The following TPD52 variants were observed in gnomAD, a reference collection of about 807,000 sequenced individuals.
TPD52 encodes the protein tumor protein D52.
TPD52 carries 17 observed loss-of-function variants against 31.3 expected under a neutral mutation model. That is an observed-to-expected ratio of 0.54 (90% CI 0.37 to 0.82). The LOEUF is 0.82. Ranked by LOEUF, TPD52 falls within the 40% of genes least tolerant of loss-of-function variation. The pLI, the probability that TPD52 is intolerant of heterozygous loss-of-function variation, is 0.00. For synonymous variants in TPD52, 83 were observed against 89.6 expected, an observed-to-expected ratio of 0.93 and a Z score of 0.42; for missense variants, 212 against 240.1, an observed-to-expected ratio of 0.88 and a Z score of 0.77.
At chr8:80,147,436 G>T (rs1810271779) in intron 1 of TPD52, among the ~76,000 whole-genome samples, 1 of 152,182 alleles carries the variant, frequency 6.6e-6, no homozygotes, top group Admixed American at 6.5e-5. Context: ...ACAGAGTTCA[G>T]CTGGTCTTAC....
intron 1 of TPD52, among the ~76,000 whole-genome samples, chr8:80,085,651 C>T (rs1375594652): frequency 6.6e-6 from 1 of 152,024 alleles, no homozygotes; most frequent in Non-Finnish European, 1.5e-5. Flanking sequence ...CTGAAAAAAA[C>T]AGGAATCCAA....
chr8:80,076,057 A>G lies in TPD52; in HGVS notation c.20-11464T>C, dbSNP rs193071873. Among the ~76,000 whole-genome samples the G allele has an allele frequency of 7.2e-4, 109 of 152,370 alleles. 1 individual carries two copies. The highest frequency in any genetic ancestry group is 1.1e-3 in the Non-Finnish European group (76 of 68,032). ...AAAATGTCAGATTTTTCCATTGCTC[A>G]TAATTCCTTAAGTCAATAGAAATAA... On this transcript the variant is annotated intron_variant, in intron 1 of 7. Coordinates refer to ENST00000518937, the MANE Select transcript of TPD52 (RefSeq NM_001025253.3).
rs1420941794 is a variant in TPD52 at position 80,034,837 on chromosome 8, A to G, written c.*3279T>C. 2.0e-5 allele frequency: 3 copies of G among 152,236 alleles called. No individual in the cohort carries two copies. In the East Asian group the frequency reaches 5.8e-4, roughly 29 times the overall value. 9.4% of individuals were successfully genotyped at this position (152,236 alleles called of 1,614,324 possible). On this transcript the variant is annotated 3_prime_UTR_variant, in exon 8 of 8. Coordinates refer to ENST00000518937, the MANE Select transcript of TPD52 (RefSeq NM_001025253.3). ...AAATAAACTACCAACCAACCTCAGT[A>G]ACATCAAAATTACATGAGAGCTGGC... is the stretch of plus-strand genomic sequence containing the variant.
chr8:80,084,348 T>C (rs1563613389), intron 1 of TPD52, among the ~76,000 whole-genome samples: 1 of 152,224 alleles, frequency 6.6e-6, no homozygotes, highest in Non-Finnish European at 1.5e-5. Context: ...GGCCTAAGGA[T>C]AGACATCTGA....
intron 1 of TPD52, among the ~76,000 whole-genome samples, chr8:80,160,180 G>A (rs893059785): frequency 1.0e-4 from 13 of 130,614 alleles, no homozygotes; most frequent in African/African-American, 3.9e-4. Context: ...GACAGAGCAA[G>A]ACCCCATCTC....
At chr8:80,063,491 A>T (rs940110984) in intron 2 of TPD52, among the ~76,000 whole-genome samples, 1 of 152,188 alleles carries the variant, frequency 6.6e-6, no homozygotes, top group African/African-American at 2.4e-5. Flanking sequence ...GCTGCACAAC[A>T]CTGTGAATGT....
At chr8:80,116,027 G>A (rs1807840112) in intron 1 of TPD52, among the ~76,000 whole-genome samples, 1 of 152,114 alleles carries the variant, frequency 6.6e-6, no homozygotes, top group Non-Finnish European at 1.5e-5. Flanking sequence ...TGTAAATAGT[G>A]CAAACTCTAT....
At chr8:80,097,482 G>A (rs544782834) in intron 1 of TPD52, among the ~76,000 whole-genome samples, 1 of 152,172 alleles carries the variant, frequency 6.6e-6, no homozygotes, top group Non-Finnish European at 1.5e-5. Context: ...GATCATAGGG[G>A]CAGATTTCTC....
chr8:80,080,599 G>A (rs893199275), intron 1 of TPD52: 14 of 1,385,000 alleles, frequency 1.0e-5, no homozygotes, highest in Non-Finnish European at 1.3e-5. Flanking sequence ...TCTGGGCCCA[G>A]GTGCCAGCAT....
At chr8:80,042,772 C>A in intron 6 of TPD52, 104 bp from the exon 7 acceptor site, 1 of 1,034,508 alleles carries the variant, frequency 9.7e-7, no homozygotes, top group South Asian at 1.5e-5. Context: ...TCTCAATCGG[C>A]AAAAGAACAG....
At chr8:80,114,696 G>A (rs533261755) in intron 1 of TPD52, among the ~76,000 whole-genome samples, 2 of 150,502 alleles carry the variant, frequency 1.3e-5, no homozygotes, top group Admixed American at 6.6e-5. Context: ...CTTACTTCCT[G>A]CTTTCCTGCC....
At chr8:80,068,086 G>A (rs1813365982) in intron 1 of TPD52, among the ~76,000 whole-genome samples, 1 of 150,144 alleles carries the variant, frequency 6.7e-6, no homozygotes. Flanking sequence ...AGAATCTGAT[G>A]GAAAGCTGTT....
At chr8:80,064,624 T>G (rs748092542) in intron 1 of TPD52, 31 bp from the exon 2 acceptor site, 27 of 1,547,954 alleles carry the variant, frequency 1.7e-5, no homozygotes. Flanking sequence ...TTTTTTAAAG[T>G]GCAAAATCTA....
At chr8:80,147,121 T>C (rs1056680119) in intron 1 of TPD52, among the ~76,000 whole-genome samples, 1 of 152,102 alleles carries the variant, frequency 6.6e-6, no homozygotes, top group African/African-American at 2.4e-5. Flanking sequence ...TAAGAAAAGG[T>C]TGGCCAGACT....
At chr8:80,067,883 A>G (rs1813335622) in intron 1 of TPD52, among the ~76,000 whole-genome samples, 1 of 151,940 alleles carries the variant, frequency 6.6e-6, no homozygotes, top group South Asian at 2.1e-4. Context: ...TCTAGATATG[A>G]TCCTGTTTCT....
chr8:80,105,129 G>C (rs1326196122), intron 1 of TPD52, among the ~76,000 whole-genome samples: 2 of 151,662 alleles, frequency 1.3e-5, no homozygotes, highest in Non-Finnish European at 2.9e-5. Flanking sequence ...TTTGTGATAG[G>C]GTCTCCCTCT....
chr8:80,142,547 C>CA (rs1233624429), intron 1 of TPD52, among the ~76,000 whole-genome samples: 3 of 152,066 alleles, frequency 2.0e-5, no homozygotes, highest in Non-Finnish European at 1.5e-5. Context: ...GCCTGAAGTA[C>CA]AAAAATGAGC....
chr8:80,077,414 T>C (rs1157616469), intron 1 of TPD52, among the ~76,000 whole-genome samples: 8 of 152,286 alleles, frequency 5.3e-5, no homozygotes, highest in Non-Finnish European at 1.0e-4. Flanking sequence ...GTCCTCATAA[T>C]GTTCAGCCCA....
intron 1 of TPD52, among the ~76,000 whole-genome samples, chr8:80,115,969 C>T (rs1807834948): frequency 6.6e-6 from 1 of 151,764 alleles, no homozygotes; most frequent in Non-Finnish European, 1.5e-5. Context: ...AATAAATAAC[C>T]CAATAAAAGA....
Sources: allele counts gnomAD v4.1 joint callset (sites outside exome capture counted in the v4.1 genomes callset), GRCh38; gene constraint gnomAD v4.1.1; transcripts MANE v1.5; gene names NCBI Gene and HGNC (gene_info 2026-07-23, HGNC 2026-07-21).